CEP128: variants seen among roughly 807,000 people sequenced by gnomAD.
CEP128 encodes the protein centrosomal protein 128.
Under a neutral mutation model 156.7 loss-of-function variants are expected in CEP128, and 132 were observed. The observed-to-expected ratio is 0.84, with a 90% confidence interval of 0.73 to 0.97. CEP128 has a LOEUF of 0.97. CEP128 is among the 50% of genes least tolerant of loss of function. The pLI is 0.00. For synonymous variants in CEP128, 469 were observed against 448.9 expected (o/e 1.04, Z -0.57); for missense variants, 1,252 against 1,281.9 (o/e 0.98, Z 0.36).
Position 80,844,192 on chromosome 14 carries a change from C to CAAAA in CEP128, c.763-3428_763-3425dup, listed in dbSNP as rs548182892. ...AAAAAAATTAAGTTTCTTTTCAAGG[C>CAAAA]AAAAAAAAACAAAACAACGCATTCA... On this transcript the variant is annotated intron_variant, in intron 9 of 24. Coordinates refer to ENST00000555265, the MANE Select transcript of CEP128 (RefSeq NM_152446.5). Among the ~76,000 whole-genome samples the CAAAA allele has an allele frequency of 2.3e-4, 33 of 145,578 alleles. No homozygotes were observed. The East Asian group carries it at 6.3e-3, about 28-fold the overall frequency.
chr14:80,871,280 G>T (rs1367792303), intron 8 of CEP128, among the ~76,000 whole-genome samples: 4 of 152,110 alleles, frequency 2.6e-5, no homozygotes, highest in Non-Finnish European at 5.9e-5. Flanking sequence ...CACAGATAAA[G>T]GCAGGTATGG....
intron 16 of CEP128, among the ~76,000 whole-genome samples, chr14:80,768,596 A>C (rs1384718297): frequency 6.6e-6 from 1 of 152,180 alleles, no homozygotes; most frequent in Non-Finnish European, 1.5e-5. Context: ...AAGAGTATGC[A>C]AGAGCCTTAG....
intron 4 of CEP128, among the ~76,000 whole-genome samples, chr14:80,908,137 T>G (rs953659261): frequency 6.6e-6 from 1 of 152,192 alleles, no homozygotes; most frequent in Non-Finnish European, 1.5e-5. Context: ...TTGTCAGTGA[T>G]TTTATTATGT....
At chr14:80,496,380 A>G (rs1285178928), downstream of CEP128, 1 of 152,598 alleles carries the variant, frequency 6.6e-6, no homozygotes, top group African/African-American at 2.4e-5. Context: ...AGTACCATCA[A>G]ATATGGTAAG....
At chr14:80,770,774 T>C (rs1246707273) in intron 16 of CEP128, among the ~76,000 whole-genome samples, 2 of 152,114 alleles carry the variant, frequency 1.3e-5, no homozygotes, top group Non-Finnish European at 2.9e-5. Context: ...ACTTAAAATA[T>C]CTGTAGCACC....
At chr14:80,542,678 C>A (rs1358159015) in intron 21 of CEP128, among the ~76,000 whole-genome samples, 2 of 152,040 alleles carry the variant, frequency 1.3e-5, no homozygotes, top group African/African-American at 4.8e-5. Flanking sequence ...ATGGGGACAC[C>A]CAACACAGGG....
intron 19 of CEP128, among the ~76,000 whole-genome samples, chr14:80,717,475 AC>A (rs1897649430): frequency 1.3e-5 from 2 of 152,228 alleles, no homozygotes; most frequent in African/African-American, 4.8e-5. Context: ...CTGACTTAGA[AC>A]AAATTAAATA....
chr14:80,560,665 A>C (rs1249421189), intron 20 of CEP128, among the ~76,000 whole-genome samples: 1 of 152,128 alleles, frequency 6.6e-6, no homozygotes, highest in Non-Finnish European at 1.5e-5. Context: ...GGCACAATCT[A>C]ATCAGCTGCC....
At chr14:80,771,601 A>C (rs897170887) in intron 16 of CEP128, among the ~76,000 whole-genome samples, 4 of 152,346 alleles carry the variant, frequency 2.6e-5, no homozygotes, top group African/African-American at 4.8e-5. Context: ...ATTTCTATGC[A>C]TCCTGATCTA....
chr14:80,520,778 T>C (rs915739295), intron 23 of CEP128, among the ~76,000 whole-genome samples: 4 of 152,092 alleles, frequency 2.6e-5, no homozygotes, highest in Non-Finnish European at 5.9e-5. Flanking sequence ...ATGTTTTTAA[T>C]GATGGTTCAT....
chr14:80,712,214 C>T (rs1317776270), intron 19 of CEP128, among the ~76,000 whole-genome samples: 2 of 152,084 alleles, frequency 1.3e-5, no homozygotes, highest in African/African-American at 4.8e-5. Flanking sequence ...AAAAGGAATA[C>T]ATTCATTCTC....
At chr14:80,918,266 T>C (rs1457347348) in intron 2 of CEP128, among the ~76,000 whole-genome samples, 1 of 152,246 alleles carries the variant, frequency 6.6e-6, no homozygotes, top group Non-Finnish European at 1.5e-5. Flanking sequence ...ATGTTCACCT[T>C]TTAAACTTCA....
At chr14:80,484,802 C>G (rs375198295) in intron 14 of CEP128, among the ~76,000 whole-genome samples, 8 of 151,610 alleles carry the variant, frequency 5.3e-5, no homozygotes, top group Admixed American at 2.6e-4. Flanking sequence ...GAAATAGACA[C>G]TGGAAAGGTA....
chr14:80,874,023 T>C (rs895012328), intron 8 of CEP128, among the ~76,000 whole-genome samples: 4 of 152,132 alleles, frequency 2.6e-5, no homozygotes, highest in African/African-American at 9.7e-5. Flanking sequence ...CCTCTTTCTT[T>C]TGTAAATTGC....
chr14:80,664,586 C>G (rs1895536640), intron 19 of CEP128, among the ~76,000 whole-genome samples: 1 of 152,058 alleles, frequency 6.6e-6, no homozygotes, highest in Non-Finnish European at 1.5e-5. Context: ...TTATTTATCT[C>G]CATTTTGCAA....
intron 23 of CEP128, among the ~76,000 whole-genome samples, chr14:80,520,035 C>A (rs1888664013): frequency 6.6e-6 from 1 of 152,166 alleles, no homozygotes; most frequent in Admixed American, 6.5e-5. Context: ...TCTAATCTAT[C>A]CAGACAGAAA....
chr14:80,826,011 C>T (rs1885454788), intron 13 of CEP128, among the ~76,000 whole-genome samples: 2 of 148,936 alleles, frequency 1.3e-5, no homozygotes, highest in African/African-American at 5.0e-5. Context: ...GATGCTGAAG[C>T]AGGAGAATCA....
At chr14:80,519,712 C>G (rs1006388618) in intron 23 of CEP128, among the ~76,000 whole-genome samples, 1 of 152,130 alleles carries the variant, frequency 6.6e-6, no homozygotes, top group African/African-American at 2.4e-5. Context: ...TGTGTGGCTG[C>G]TATTTTACAT....
In CEP128 at chr14:80,590,842, G is replaced by A. The variant is rs549757438; in HGVS notation, c.2807-10419C>T. Reference sequence around the variant, plus strand: ...AACCCTACAAGCCAGAAGAAAGTGGGGGCCAATATTCAACATTCTTAAAGA... The same window carrying A: ...AACCCTACAAGCCAGAAGAAAGTGGAGGCCAATATTCAACATTCTTAAAGA... On this transcript the variant is annotated intron_variant, in intron 19 of 24. Coordinates refer to ENST00000555265, the MANE Select transcript of CEP128 (RefSeq NM_152446.5). 3.9e-5 allele frequency among the ~76,000 whole-genome samples: 6 copies of A among 152,182 alleles called. No individual in the cohort carries two copies. The South Asian group carries it at 1.2e-3, about 32-fold the overall frequency.
Sources: allele counts gnomAD v4.1 joint callset (sites outside exome capture counted in the v4.1 genomes callset), GRCh38; gene constraint gnomAD v4.1.1; transcripts MANE v1.5; gene names NCBI Gene and HGNC (gene_info 2026-07-23, HGNC 2026-07-21).